The following SPOCK3 variants were observed in gnomAD, a reference collection of about 807,000 sequenced individuals.
SPOCK3 encodes testican-3.
A neutral mutation model predicts 56.6 loss-of-function variants in SPOCK3; 30 were observed. That is an observed-to-expected ratio of 0.53 (90% CI 0.40 to 0.72). The LOEUF is 0.72. SPOCK3 is among the 30% of genes least tolerant of loss of function. The pLI is 0.00. For missense variants in SPOCK3, 527 were observed against 530.0 expected (o/e 0.99, Z 0.06); for synonymous variants, 196 against 183.3 (o/e 1.07, Z -0.56).
chr4:167,021,603 G>A (rs1383582815), intron 3 of SPOCK3, among the ~76,000 whole-genome samples: 1 of 151,930 alleles, frequency 6.6e-6, no homozygotes. Context: ...CTCTCCGGTC[G>A]ATTTCCCCAG....
chr4:166,868,076 T>C (rs1732043980), intron 6 of SPOCK3, among the ~76,000 whole-genome samples: 1 of 152,012 alleles, frequency 6.6e-6, no homozygotes, highest in African/African-American at 2.4e-5. Context: ...ATTAGCTAAC[T>C]GCAAACCACT....
chr4:166,835,729 C>T (rs1746537153), intron 6 of SPOCK3, among the ~76,000 whole-genome samples: 1 of 152,144 alleles, frequency 6.6e-6, no homozygotes, highest in Non-Finnish European at 1.5e-5. Flanking sequence ...TCTGTTTTGG[C>T]CGGGCATGGT....
intron 2 of SPOCK3, among the ~76,000 whole-genome samples, chr4:167,078,370 T>TGTGTGTGTGTG (rs1554032521): frequency 1.2e-5 from 1 of 82,172 alleles, no homozygotes; most frequent in East Asian, 4.2e-4. Context: ...GTGTGTGTGT[T>TGTGTGTGTGTG]TGCAGAGGGA....
chr4:167,140,957 T>C (rs1427005336), intron 2 of SPOCK3, among the ~76,000 whole-genome samples: 1 of 152,004 alleles, frequency 6.6e-6, no homozygotes, highest in Non-Finnish European at 1.5e-5. Flanking sequence ...TATACCTTTT[T>C]TCTTGTTAAT....
At chr4:166,997,489 T>C (rs1748505001) in intron 4 of SPOCK3, among the ~76,000 whole-genome samples, 1 of 152,154 alleles carries the variant, frequency 6.6e-6, no homozygotes, top group African/African-American at 2.4e-5. Context: ...ACCTAGATTA[T>C]CTAGATTGAC....
At position 166,944,423 on chromosome 4, in the gene SPOCK3, C is replaced by T. The variant is rs116455101; in HGVS notation, c.351-31680G>A. ...CTCATTTGAGTTCTGCTCATTGTCCCGATAATGTCCTTTTTAGTAAATGAA... is the reference window on the plus strand; with the variant it reads ...CTCATTTGAGTTCTGCTCATTGTCCTGATAATGTCCTTTTTAGTAAATGAA... On this transcript the variant is annotated intron_variant, in intron 4 of 10. Coordinates refer to ENST00000357545, the MANE Select transcript of SPOCK3 (RefSeq NM_001040159.2). 4.3e-3 allele frequency among the ~76,000 whole-genome samples: 661 copies of T among 152,100 alleles called. 5 individuals are homozygous for T. Among genetic ancestry groups the T allele is most frequent in the African/African-American group, 0.014 (601 of 41,490 alleles).
At chr4:167,115,317 GAA>G (rs34552247) in intron 2 of SPOCK3, among the ~76,000 whole-genome samples, 2 of 123,020 alleles carry the variant, frequency 1.6e-5, no homozygotes, top group South Asian at 2.5e-4. Flanking sequence ...GCCTTGTACA[GAA>G]AAAAAAAAAA....
chr4:166,800,664 T>A (rs938370109), intron 6 of SPOCK3, among the ~76,000 whole-genome samples: 1 of 152,174 alleles, frequency 6.6e-6, no homozygotes. Context: ...TTGTGTACAG[T>A]GTACAATGTG....
chr4:167,204,482 T>C (rs908629703), intron 2 of SPOCK3, among the ~76,000 whole-genome samples: 1 of 152,078 alleles, frequency 6.6e-6, no homozygotes, highest in African/African-American at 2.4e-5. Context: ...GGGGAAATGC[T>C]AGACACTTAT....
At chr4:167,163,029 A>G (rs528960720) in intron 2 of SPOCK3, among the ~76,000 whole-genome samples, 9 of 151,982 alleles carry the variant, frequency 5.9e-5, no homozygotes, top group Admixed American at 1.3e-4. Context: ...TATGACACAT[A>G]TTTGATACTA....
chr4:167,205,873 T>C (rs1438876939), intron 2 of SPOCK3, among the ~76,000 whole-genome samples: 2 of 151,440 alleles, frequency 1.3e-5, no homozygotes, highest in African/African-American at 4.9e-5. Context: ...CCTTCCAAAG[T>C]GCTGGGATTA....
Position 166,733,466 on chromosome 4 carries a change from A to G in SPOCK3, c.*1455T>C, listed in dbSNP as rs1191441707. Reference sequence around the variant, plus strand: ...CATTATACTTTATTACGTAAAGTCAACATTAAATTTTGTATTGAGTGTGTA... The same window carrying G: ...CATTATACTTTATTACGTAAAGTCAGCATTAAATTTTGTATTGAGTGTGTA... On this transcript the variant is annotated 3_prime_UTR_variant, in exon 11 of 11. Coordinates refer to ENST00000357545, the MANE Select transcript of SPOCK3 (RefSeq NM_001040159.2). 1.3e-5 allele frequency: 2 copies of G among 151,924 alleles called. No individual in the cohort carries two copies. Among genetic ancestry groups the G allele is most frequent in the African/African-American group, 4.8e-5 (2 of 41,456 alleles). 9.4% of individuals were successfully genotyped at this position (151,924 alleles called of 1,614,324 possible). A position where few individuals can be genotyped will look rare whatever the true frequency, so the allele number is the denominator to read the frequency against.
intron 2 of SPOCK3, among the ~76,000 whole-genome samples, chr4:167,219,282 T>C (rs1351526352): frequency 2.0e-5 from 3 of 152,172 alleles, no homozygotes; most frequent in Non-Finnish European, 2.9e-5. Flanking sequence ...ATTGTCTTGA[T>C]ATTCTAAAAC....
intron 2 of SPOCK3, among the ~76,000 whole-genome samples, chr4:167,137,284 A>G (rs929954527): frequency 2.7e-5 from 4 of 150,920 alleles, no homozygotes. Flanking sequence ...TCATAAATAC[A>G]GTCATTTTTT....
At chr4:167,206,332 A>G (rs78025856) in intron 2 of SPOCK3, among the ~76,000 whole-genome samples, 2 of 151,464 alleles carry the variant, frequency 1.3e-5, no homozygotes, top group African/African-American at 2.4e-5. Flanking sequence ...CTTGAAAAAT[A>G]AAAAAAAATA....
At chr4:166,990,781 C>T (rs535428807) in intron 4 of SPOCK3, among the ~76,000 whole-genome samples, 2 of 152,038 alleles carry the variant, frequency 1.3e-5, no homozygotes, top group South Asian at 4.2e-4. Context: ...TCATAGCAAG[C>T]ATCATCCCAA....
At chr4:166,821,359 A>C (rs904279021) in intron 6 of SPOCK3, among the ~76,000 whole-genome samples, 4 of 152,072 alleles carry the variant, frequency 2.6e-5, no homozygotes, top group Non-Finnish European at 2.9e-5. Flanking sequence ...AAAATGGTGA[A>C]GACATTTTGA....
In SPOCK3 at chr4:167,119,027, G is replaced by A. The variant is rs117115672; in HGVS notation, c.190-56490C>T. Among the ~76,000 whole-genome samples, 31 of 150,966 alleles carry A rather than the reference G, an allele frequency of 2.1e-4. No homozygotes were observed. The East Asian group carries it at 5.5e-3, about 27-fold the overall frequency. On this transcript the variant is annotated intron_variant, in intron 2 of 10. Coordinates refer to ENST00000357545, the MANE Select transcript of SPOCK3 (RefSeq NM_001040159.2). The stretch of plus-strand genomic sequence containing the variant: ...TTTATCTACATGCCTAGAAATCTGG[G>A]CCGAATCAAGAAGTTCATCATGTTC...
chr4:167,103,466 A>G (rs763484209), intron 2 of SPOCK3, among the ~76,000 whole-genome samples: 2 of 151,948 alleles, frequency 1.3e-5, no homozygotes, highest in African/African-American at 4.8e-5. Context: ...GCCTGGCAGT[A>G]CTCCCTGTGT....
Sources: allele counts gnomAD v4.1 joint callset (sites outside exome capture counted in the v4.1 genomes callset), GRCh38; gene constraint gnomAD v4.1.1; transcripts MANE v1.5; gene names NCBI Gene and HGNC (gene_info 2026-07-23, HGNC 2026-07-21).